FMN1: variants seen among roughly 807,000 people sequenced by gnomAD.
The protein encoded by FMN1 is formin 1.
A neutral mutation model predicts 132.4 loss-of-function variants in FMN1; 110 were observed. The ratio of observed to expected loss-of-function variants is 0.83; its 90% confidence interval spans 0.71 to 0.97. The LOEUF (loss-of-function observed/expected upper bound fraction) is 0.97, where lower values mean the gene tolerates loss of function less well. Ranked by LOEUF, FMN1 falls within the 50% of genes least tolerant of loss-of-function variation. The pLI, the probability that FMN1 is intolerant of heterozygous loss-of-function variation, is 0.00. For missense variants in FMN1, 1,792 were observed against 1,705.3 expected (o/e 1.05, Z -0.90); for synonymous variants, 722 against 651.7 (o/e 1.11, Z -1.64).
At position 32,770,027 on chromosome 15, in the gene FMN1, T is replaced by C. The variant is rs2056176446; in HGVS notation, c.*4283A>G. The C allele has an allele frequency of 6.6e-6, 1 of 152,238 alleles. No homozygotes were observed. The highest frequency in any genetic ancestry group is 1.9e-4 in the East Asian group (1 of 5,204). 9.4% of individuals were successfully genotyped at this position (152,238 alleles called of 1,614,324 possible). On this transcript the variant is annotated 3_prime_UTR_variant, in exon 21 of 21. Transcript: ENST00000616417. ...CTGTTTTATAAAATCAGATATTTAA[T>C]ATTTGGATCAGATATGTGGGAGGGG...
chr15:33,025,416 C>CA (rs796625258), intron 6 of FMN1, among the ~76,000 whole-genome samples: 89 of 152,038 alleles, frequency 5.9e-4, no homozygotes, highest in African/African-American at 2.0e-3. Flanking sequence ...GACATATTTG[C>CA]AAAAAATTGA....
chr15:32,968,456 A>G (rs1165643277), intron 8 of FMN1, among the ~76,000 whole-genome samples: 1 of 152,152 alleles, frequency 6.6e-6, no homozygotes, highest in African/African-American at 2.4e-5. Context: ...CTAGTCTGTA[A>G]AATGGAACAT....
chr15:33,119,497 A>G (rs886478509), intron 4 of FMN1, among the ~76,000 whole-genome samples: 6 of 152,210 alleles, frequency 3.9e-5, no homozygotes, highest in Middle Eastern at 3.2e-3. Context: ...CCAAGCATTA[A>G]TGAGTCCACC....
chr15:32,781,919 C>G (rs2056678025), intron 19 of FMN1, among the ~76,000 whole-genome samples: 1 of 152,236 alleles, frequency 6.6e-6, no homozygotes, highest in South Asian at 2.1e-4. Flanking sequence ...GACTTACATT[C>G]TTTGTACATG....
At chr15:33,061,571 TAATAC>T (rs2037484861) in intron 6 of FMN1, among the ~76,000 whole-genome samples, 1 of 152,052 alleles carries the variant, frequency 6.6e-6, no homozygotes, top group African/African-American at 2.4e-5. Context: ...ATTTATAAAC[TAATAC>T]AATTCCAATA....
At chr15:32,970,602 G>C (rs1315337010) in intron 7 of FMN1, 1 of 152,128 alleles carries the variant, frequency 6.6e-6, no homozygotes, top group Non-Finnish European at 1.5e-5. Flanking sequence ...CAAATATCTA[G>C]AACACCTAAA....
At chr15:33,177,596 G>A (rs1965558110) in intron 3 of FMN1, among the ~76,000 whole-genome samples, 1 of 152,166 alleles carries the variant, frequency 6.6e-6, no homozygotes, top group Admixed American at 6.5e-5. Flanking sequence ...TACTTTTCTA[G>A]GTAGACAGTA....
intron 4 of FMN1, among the ~76,000 whole-genome samples, chr15:33,116,762 TC>T (rs1241221357): frequency 6.7e-6 from 1 of 149,660 alleles, no homozygotes; most frequent in Non-Finnish European, 1.5e-5. Flanking sequence ...GGCTTTTTTT[TC>T]CCTCATGAGA....
intron 6 of FMN1, among the ~76,000 whole-genome samples, chr15:33,015,721 T>G (rs188288115): frequency 1.1e-4 from 16 of 151,424 alleles, no homozygotes; most frequent in Admixed American, 7.9e-4. Context: ...AAAAAATCAT[T>G]CCTCTGAATT....
At chr15:32,817,514 T>C (rs1326260520) in intron 17 of FMN1, among the ~76,000 whole-genome samples, 1 of 152,196 alleles carries the variant, frequency 6.6e-6, no homozygotes, top group East Asian at 1.9e-4. Flanking sequence ...TGTTACCAAG[T>C]ATCTAGGTGT....
intron 4 of FMN1, among the ~76,000 whole-genome samples, chr15:33,145,124 G>A (rs1482263700): frequency 1.3e-5 from 2 of 152,004 alleles, no homozygotes; most frequent in Admixed American, 1.3e-4. Flanking sequence ...GAAATCATGT[G>A]TGCTCGTGGA....
chr15:32,826,760 A>ATC (rs1259464031), intron 17 of FMN1, among the ~76,000 whole-genome samples: 2 of 152,200 alleles, frequency 1.3e-5, no homozygotes, highest in African/African-American at 4.8e-5. Flanking sequence ...ATCTCACACT[A>ATC]TCATTACAAT....
Position 33,154,181 on chromosome 15 carries a change from T to C in FMN1, c.734A>G (p.Asp245Gly). 6.5e-7 allele frequency: 1 copy of C among 1,536,424 alleles called. No individual in the cohort carries two copies. ...SCPPDIPKTP[D>G]TDLGFGSFET... Reference sequence around the variant, plus strand: ...AAAGCTCCCAAAGCCAAGGTCTGTGTCTGGCGTCTTGGGAATATCTGGGGG... The same window carrying C: ...AAAGCTCCCAAAGCCAAGGTCTGTGCCTGGCGTCTTGGGAATATCTGGGGG... Residue 245 changes from aspartate (D) to glycine (G), a missense_variant, in exon 4 of 21, where the codon GAC becomes GGC. This residue lies in a region of FMN1 where 638 missense variants were observed against 645.2 expected (regional missense o/e 0.99). Transcript: ENST00000616417.
At chr15:32,978,785 G>A (rs1012469504) in intron 7 of FMN1, among the ~76,000 whole-genome samples, 1 of 152,108 alleles carries the variant, frequency 6.6e-6, no homozygotes, top group African/African-American at 2.4e-5. Context: ...CATGGCCAAT[G>A]TCCACCTGCA....
chr15:32,940,988 C>G (rs1238998435), intron 9 of FMN1, among the ~76,000 whole-genome samples: 1 of 149,836 alleles, frequency 6.7e-6, no homozygotes, highest in Non-Finnish European at 1.5e-5. Context: ...GTTAGCTTGC[C>G]TTAGGTAAAT....
intron 19 of FMN1, among the ~76,000 whole-genome samples, chr15:32,788,813 C>T (rs1019238371): frequency 6.6e-6 from 1 of 152,230 alleles, no homozygotes; most frequent in African/African-American, 2.4e-5. Context: ...TCCAAAGGAT[C>T]TCCACTTCCT....
At chr15:32,881,211 T>A (rs1455497655) in intron 16 of FMN1, among the ~76,000 whole-genome samples, 1 of 152,194 alleles carries the variant, frequency 6.6e-6, no homozygotes, top group Non-Finnish European at 1.5e-5. Flanking sequence ...TTTAAATGAC[T>A]GTATTAATTT....
In FMN1 at chr15:32,843,837, G is replaced by A. The variant is rs114928345; in HGVS notation, c.3928+13178C>T. ...GACTGGCACTTCACTTCTAAATGTT[G>A]AGCACTCAGGTTTTGCTAAATTTAT... On this transcript the variant is annotated intron_variant, in intron 17 of 20. Transcript: ENST00000616417. 1.9e-3 allele frequency among the ~76,000 whole-genome samples: 286 copies of A among 152,274 alleles called. 1 individual carries two copies. Among genetic ancestry groups the A allele is most frequent in the African/African-American group, 6.7e-3 (277 of 41,574 alleles).
intron 9 of FMN1, among the ~76,000 whole-genome samples, chr15:32,958,479 G>A (rs1258796226): frequency 1.3e-5 from 2 of 152,058 alleles, no homozygotes; most frequent in Non-Finnish European, 2.9e-5. Flanking sequence ...ATAAGATGAT[G>A]GGTAAGATTT....
Sources: allele counts gnomAD v4.1 joint callset (sites outside exome capture counted in the v4.1 genomes callset), GRCh38; gene constraint gnomAD v4.1.1; regional missense constraint gnomAD v4.1.1; transcripts MANE v1.5; gene names NCBI Gene and HGNC (gene_info 2026-07-23, HGNC 2026-07-21).